The following CCSER1 variants were observed in gnomAD, a reference collection of about 807,000 sequenced individuals.
CCSER1 encodes coiled-coil serine rich protein 1, also known as serine-rich coiled-coil domain-containing protein 1.
A neutral mutation model predicts 82.0 loss-of-function variants in CCSER1; 41 were observed. The ratio of observed to expected loss-of-function variants is 0.50; its 90% confidence interval spans 0.39 to 0.65. The LOEUF is 0.65. Ranked by LOEUF, CCSER1 falls within the 30% of genes least tolerant of loss-of-function variation. CCSER1 has a pLI of 0.00. For synonymous variants in CCSER1, 414 were observed against 383.9 expected (o/e 1.08, Z -0.92); for missense variants, 1,119 against 1,064.2 (o/e 1.05, Z -0.72).
chr4:90,198,403 AC>A (rs1320590931), intron 1 of CCSER1, among the ~76,000 whole-genome samples: 1 of 152,156 alleles, frequency 6.6e-6, no homozygotes, highest in East Asian at 1.9e-4. Flanking sequence ...AGAGGCAGAC[AC>A]CAAATATACA....
intron 7 of CCSER1, among the ~76,000 whole-genome samples, chr4:90,732,891 A>G (rs1745004442): frequency 6.6e-6 from 1 of 152,162 alleles, no homozygotes. Context: ...AATAGTGTTC[A>G]TTGTGTATAT....
At chr4:91,575,523 A>G (rs1763409135) in intron 10 of CCSER1, among the ~76,000 whole-genome samples, 1 of 152,104 alleles carries the variant, frequency 6.6e-6, no homozygotes, top group South Asian at 2.1e-4. Context: ...CAATAGCAAG[A>G]AAACAAATAA....
chr4:90,336,123 C>G (rs1273590009), intron 3 of CCSER1, among the ~76,000 whole-genome samples: 1 of 152,042 alleles, frequency 6.6e-6, no homozygotes, highest in Non-Finnish European at 1.5e-5. Context: ...TTTCTAGACA[C>G]TAGACCTTAG....
intron 10 of CCSER1, among the ~76,000 whole-genome samples, chr4:91,216,427 C>T (rs1737245246): frequency 6.6e-6 from 1 of 152,132 alleles, no homozygotes; most frequent in African/African-American, 2.4e-5. Context: ...TCACGCCATT[C>T]TCCTGCCTCA....
intron 10 of CCSER1, among the ~76,000 whole-genome samples, chr4:91,314,806 T>C (rs1017971392): frequency 1.3e-5 from 2 of 152,026 alleles, no homozygotes; most frequent in African/African-American, 2.4e-5. Context: ...CTATGTCTGA[T>C]TTTTTATTTA....
At chr4:91,282,150 AT>A in intron 10 of CCSER1, among the ~76,000 whole-genome samples, 2 of 152,178 alleles carry the variant, frequency 1.3e-5, no homozygotes, top group Non-Finnish European at 2.9e-5. Context: ...GTAGATTCAA[AT>A]AAACCTATGT....
At chr4:91,242,500 A>G (rs1444289018) in intron 10 of CCSER1, among the ~76,000 whole-genome samples, 2 of 152,182 alleles carry the variant, frequency 1.3e-5, no homozygotes, top group Non-Finnish European at 2.9e-5. Context: ...TTATCTCAAA[A>G]TGGATTATAA....
At chr4:91,401,201 TATAAA>T in intron 10 of CCSER1, among the ~76,000 whole-genome samples, 1 of 150,852 alleles carries the variant, frequency 6.6e-6, no homozygotes, top group African/African-American at 2.4e-5. Context: ...TAACTAATAA[TATAAA>T]ATATCTAATG....
chr4:90,798,790 T>C (rs1160711581), intron 7 of CCSER1, among the ~76,000 whole-genome samples: 1 of 152,226 alleles, frequency 6.6e-6, no homozygotes, highest in African/African-American at 2.4e-5. Context: ...GTGCTCTCAC[T>C]CTGGGGGCTT....
chr4:90,655,242 G>T (rs772061161), intron 6 of CCSER1, among the ~76,000 whole-genome samples: 1 of 151,896 alleles, frequency 6.6e-6, no homozygotes, highest in South Asian at 2.1e-4. Context: ...TCATAATAAA[G>T]TTTTATAATA....
At chr4:91,404,943 A>G (rs929706379) in intron 10 of CCSER1, among the ~76,000 whole-genome samples, 2 of 152,068 alleles carry the variant, frequency 1.3e-5, no homozygotes, top group East Asian at 1.9e-4. Flanking sequence ...CAATTCCTGG[A>G]TATCCTTGTT....
intron 5 of CCSER1, among the ~76,000 whole-genome samples, chr4:90,489,778 T>A (rs1767681341): frequency 1.3e-5 from 2 of 152,130 alleles, no homozygotes; most frequent in South Asian, 4.1e-4. Flanking sequence ...GGTGTTTGTT[T>A]TTTTGTCCTT....
At chr4:90,600,491 A>G (rs538905089) in intron 5 of CCSER1, among the ~76,000 whole-genome samples, 69 of 152,118 alleles carry the variant, frequency 4.5e-4, no homozygotes, top group African/African-American at 1.6e-3. Context: ...GTATCTTTTC[A>G]TATCTTTTTC....
intron 10 of CCSER1, among the ~76,000 whole-genome samples, chr4:91,302,378 G>T (rs1744733960): frequency 1.3e-5 from 2 of 151,926 alleles, no homozygotes; most frequent in Admixed American, 1.3e-4. Context: ...ACTTTCAAAA[G>T]ACATTCTCAG....
At chr4:90,928,982 C>T (rs1042116854) in intron 9 of CCSER1, among the ~76,000 whole-genome samples, 34 of 152,098 alleles carry the variant, frequency 2.2e-4, no homozygotes, top group Non-Finnish European at 2.5e-4. Flanking sequence ...CTAGCATAAG[C>T]ACTGAGAAGA....
chr4:91,546,501 A>C (rs934353248), intron 10 of CCSER1, among the ~76,000 whole-genome samples: 1 of 152,034 alleles, frequency 6.6e-6, no homozygotes, highest in Non-Finnish European at 1.5e-5. Flanking sequence ...GATCCATTTC[A>C]TCCAGGTTAT....
In CCSER1 at chr4:91,235,729, G is replaced by A. The variant is rs564902109; in HGVS notation, c.2217+149735G>A. Among the ~76,000 whole-genome samples, 76 of 152,068 alleles carry A rather than the reference G, an allele frequency of 5.0e-4. 1 individual carries two copies. Among genetic ancestry groups the A allele is most frequent in the African/African-American group, 1.4e-4 (6 of 41,482 alleles). ...GAAGTAATCAGGCCAATTAGAAGGCGTTCTTTTGAATTCTGTGTGAATGTG... is the reference window on the plus strand; with the variant it reads ...GAAGTAATCAGGCCAATTAGAAGGCATTCTTTTGAATTCTGTGTGAATGTG... On this transcript the variant is annotated intron_variant, in intron 10 of 10. Transcript: ENST00000509176.
intron 1 of CCSER1, among the ~76,000 whole-genome samples, chr4:90,152,608 A>G (rs1445930187): frequency 2.0e-5 from 3 of 152,164 alleles, no homozygotes; most frequent in Non-Finnish European, 4.4e-5. Flanking sequence ...ACAGTGGATT[A>G]TGTGAACATG....
chr4:90,786,135 A>C (rs975836514), intron 7 of CCSER1, among the ~76,000 whole-genome samples: 2 of 152,212 alleles, frequency 1.3e-5, no homozygotes, highest in Non-Finnish European at 2.9e-5. Context: ...GCAGAATCAA[A>C]AGGAAAGCTG....
Sources: gnomAD v4.1 joint callset for allele counts (sites outside exome capture counted in the v4.1 genomes callset) on GRCh38, gnomAD v4.1.1 for gene constraint, MANE v1.5 for transcripts, NCBI Gene and HGNC (gene_info 2026-07-23, HGNC 2026-07-21) for gene names.